Variants in L3HYPDH observed in about 807,000 individuals in gnomAD.
L3HYPDH encodes trans-L-3-hydroxyproline dehydratase.
Under a neutral mutation model 26.5 loss-of-function variants are expected in L3HYPDH, and 32 were observed. That is an observed-to-expected ratio of 1.21 (90% CI 0.91 to 1.62). The LOEUF (loss-of-function observed/expected upper bound fraction) is 1.62. L3HYPDH is among the 40% of genes most tolerant of loss of function. The probability of loss-of-function intolerance (pLI) is 0.00; values close to 1 mark genes in which losing one functional copy is unlikely to be tolerated. For missense variants in L3HYPDH, 554 were observed against 476.4 expected (o/e 1.16, Z -1.52); for synonymous variants, 215 against 196.6 (o/e 1.09, Z -0.78).
chr14:59,471,378 CT>C (rs1211868057), downstream of L3HYPDH, among the ~76,000 whole-genome samples: 2 of 152,160 alleles, frequency 1.3e-5, no homozygotes, highest in Admixed American at 6.5e-5. Context: ...GATTTGCAGC[CT>C]CTAAATGACC....
chr14:59,481,925 T>C (rs1375789133), intron 1 of L3HYPDH, among the ~76,000 whole-genome samples: 2 of 152,150 alleles, frequency 1.3e-5, no homozygotes, highest in African/African-American at 4.8e-5. Context: ...CTGGCACAGA[T>C]TAGGGACTCG....
At position 59,479,405 on chromosome 14, in the gene L3HYPDH, CAAT is replaced by C; in HGVS notation, c.509-57_509-55del. The C allele has an allele frequency of 2.1e-6, 3 of 1,443,044 alleles. No individual in the cohort carries two copies. In the East Asian group the frequency reaches 7.0e-5, roughly 34 times the overall value. The allele number at this position is 1,443,044 out of a possible 1,614,324, so 89.4% of individuals were successfully genotyped here. ...ATGTGTTTGTTAATAAGTATTTTAG[CAAT>C]AAAATTCAAAGGATTTTTAATATGT... is the stretch of plus-strand genomic sequence containing the variant. On this transcript the variant is annotated intron_variant, in intron 1 of 4. Coordinates refer to ENST00000247194, the MANE Select transcript of L3HYPDH (RefSeq NM_144581.2).
upstream of L3HYPDH, chr14:59,485,465 C>A: frequency 5.1e-6 from 1 of 198,008 alleles, no homozygotes; most frequent in Non-Finnish European, 1.0e-5. Flanking sequence ...CTCTCAGCAG[C>A]ATAAGGAGAA....
At position 59,483,934 on chromosome 14, in the gene L3HYPDH, G is replaced by A. The variant is rs778118489; in HGVS notation, c.383C>T (p.Thr128Ile). 4 of 1,555,232 alleles carry A rather than the reference G, an allele frequency of 2.6e-6. No homozygotes were observed. In the Admixed American group the frequency reaches 7.5e-5, roughly 29 times the overall value. Residue 128 changes from threonine to isoleucine, a missense_variant, in exon 1 of 5, where the codon ACC (threonine) becomes ATC (isoleucine). By Grantham distance (89) the Thr-to-Ile change is moderately conservative (BLOSUM62 -1). Coordinates refer to ENST00000247194, the MANE Select transcript of L3HYPDH (RefSeq NM_144581.2). The stretch of plus-strand genomic sequence containing the variant: ...GTGGATATTGACGCGGGCCTCGCGG[G>A]TGCCCGCAGGGGGCGCCGGCACAAG... ...FGLVPAPPAGTREARVNIHCP... is the reference protein window; with the variant it reads ...FGLVPAPPAGIREARVNIHCP...
upstream of L3HYPDH, chr14:59,484,588 C>T (rs773212666): frequency 4.1e-5 from 65 of 1,577,792 alleles, no homozygotes; most frequent in Non-Finnish European, 5.2e-5. Flanking sequence ...TTCAGGCGGC[C>T]CATGGGTGAG....
chr14:59,466,705 T>C (rs1294706561), intron 1 of L3HYPDH, among the ~76,000 whole-genome samples: 2 of 152,182 alleles, frequency 1.3e-5, no homozygotes, highest in East Asian at 1.9e-4. Flanking sequence ...CTACAGGAAA[T>C]TTACAGTATA....
Position 59,476,076 on chromosome 14 carries a change from A to G in L3HYPDH, c.801+16T>C. 1 of 1,613,808 alleles carries G rather than the reference A, an allele frequency of 6.2e-7. No homozygotes were observed. Among genetic ancestry groups the G allele is most frequent in the Non-Finnish European group, 8.5e-7 (1 of 1,179,858 alleles). On this transcript the variant is annotated intron_variant, in intron 3 of 4. Transcript: ENST00000247194. The stretch of plus-strand genomic sequence containing the variant: ...TATTACCTGGCTTTTGTCCCTAAAC[A>G]TTACAGTTTTAATACCTGTTCATCT...
At chr14:59,480,904 G>A (rs1889974319) in intron 1 of L3HYPDH, among the ~76,000 whole-genome samples, 1 of 152,218 alleles carries the variant, frequency 6.6e-6, no homozygotes, top group African/African-American at 2.4e-5. Flanking sequence ...TAAAGTGAGG[G>A]TGAAGATCAG....
At chr14:59,471,465 C>T (rs1043594783), downstream of L3HYPDH, among the ~76,000 whole-genome samples, 10 of 152,176 alleles carry the variant, frequency 6.6e-5, no homozygotes, top group South Asian at 8.3e-4. Flanking sequence ...TGGCATACCA[C>T]GGGTAGGGCA....
chr14:59,484,855 C>G, upstream of L3HYPDH: 2 of 1,119,816 alleles, frequency 1.8e-6, no homozygotes, highest in South Asian at 1.7e-5. Context: ...TCTTCAGTCC[C>G]TTAGTTTAAT....
the L3HYPDH span, among the ~76,000 whole-genome samples, chr14:59,492,313 A>G: frequency 0.39 from 59,272 of 152,090 alleles, 12,305 homozygotes; most frequent in African/African-American, 0.52. Context: ...ACTAGAAAAA[A>G]ATGCATAGAA....
chr14:59,483,963 G>C lies in L3HYPDH; in HGVS notation c.354C>G (p.Phe118Leu), dbSNP rs944680423. The change falls in exon 1 of 5, where the codon TTC (phenylalanine) becomes TTG (leucine). Residue 118 changes from phenylalanine to leucine, a missense_variant. Transcript: ENST00000247194. ...CCGCAGGGGGCGCCGGCACAAGCCC[G>C]AAGTCCAAAGCGAAGCGGCCCAGCG... Reference protein sequence around the residue: ...VLALGRFALDFGLVPAPPAGT... With the variant: ...VLALGRFALDLGLVPAPPAGT... 1 of 1,568,028 alleles carries C rather than the reference G, an allele frequency of 6.4e-7. No homozygotes were observed. Among genetic ancestry groups the C allele is most frequent in the Middle Eastern group, 1.7e-4 (1 of 5,992 alleles).
chr14:59,490,389 A>T, the L3HYPDH span, among the ~76,000 whole-genome samples: 3 of 152,182 alleles, frequency 2.0e-5, no homozygotes, highest in Non-Finnish European at 2.9e-5. Flanking sequence ...TGAGATTTGG[A>T]GGGAATGAGC....
At chr14:59,473,430 A>G (rs1267071882) in intron 4 of L3HYPDH, among the ~76,000 whole-genome samples, 1 of 152,200 alleles carries the variant, frequency 6.6e-6, no homozygotes, top group East Asian at 1.9e-4. Context: ...GTTTGGAGGT[A>G]GAACTGATAG....
chr14:59,496,995 A>T, the L3HYPDH span, among the ~76,000 whole-genome samples: 1 of 147,428 alleles, frequency 6.8e-6, no homozygotes, highest in South Asian at 2.1e-4. Flanking sequence ...AAGTCATAGT[A>T]ATTTTTTTTT....
chr14:59,471,229 G>A (rs951946457), downstream of L3HYPDH, among the ~76,000 whole-genome samples: 5 of 152,250 alleles, frequency 3.3e-5, no homozygotes, highest in African/African-American at 1.2e-4. Context: ...GGAAGACTTA[G>A]GTAATAGCTA....
chr14:59,468,163 G>C (rs935617893), downstream of L3HYPDH, among the ~76,000 whole-genome samples: 13 of 152,222 alleles, frequency 8.5e-5, no homozygotes, highest in African/African-American at 2.7e-4. Flanking sequence ...TGAGGAGGGA[G>C]GATCGTATGA....
the L3HYPDH span, among the ~76,000 whole-genome samples, chr14:59,499,284 C>T: frequency 3.3e-5 from 5 of 151,712 alleles, no homozygotes; most frequent in African/African-American, 1.2e-4. Flanking sequence ...CCTCTCTTTG[C>T]ATTTGAAGTT....
At chr14:59,477,425 C>T (rs932310978) in intron 2 of L3HYPDH, among the ~76,000 whole-genome samples, 1 of 152,230 alleles carries the variant, frequency 6.6e-6, no homozygotes, top group Non-Finnish European at 1.5e-5. Flanking sequence ...CTGTCTGATA[C>T]ATCAATAACA....
Sources: gnomAD v4.1 joint callset for allele counts (sites outside exome capture counted in the v4.1 genomes callset) on GRCh38, gnomAD v4.1.1 for gene constraint, MANE v1.5 for transcripts, NCBI Gene and HGNC (gene_info 2026-07-23, HGNC 2026-07-21) for gene names.